The following CNTN4 variants were observed in gnomAD, a reference collection of about 807,000 sequenced individuals.
CNTN4 encodes contactin 4.
A neutral mutation model predicts 122.5 loss-of-function variants in CNTN4; 77 were observed. The observed-to-expected ratio is 0.63, with a 90% CI of 0.52 to 0.76. The LOEUF (loss-of-function observed/expected upper bound fraction) is 0.76. Ranked by LOEUF, CNTN4 falls within the 30% of genes least tolerant of loss-of-function variation. CNTN4 has a pLI of 0.00. For missense variants in CNTN4, 1,256 were observed against 1,259.1 expected (o/e 1.00, Z 0.04); for synonymous variants, 512 against 447.0 (o/e 1.15, Z -1.83).
chr3:2,526,224 A>G (rs762702980), intron 3 of CNTN4, among the ~76,000 whole-genome samples: 2 of 152,028 alleles, frequency 1.3e-5, no homozygotes, highest in Non-Finnish European at 2.9e-5. Context: ...TTCTCTGTCT[A>G]GATTTATTCT....
rs777349072 is a variant in CNTN4 at position 2,113,222 on chromosome 3, C to T, written c.-145+12583C>T. Among the ~76,000 whole-genome samples the T allele has an allele frequency of 8.1e-4, 124 of 152,228 alleles. 1 individual carries two copies. The highest frequency in any genetic ancestry group is 3.4e-3 in the Middle Eastern group (1 of 294). On this transcript the variant is annotated intron_variant, in intron 2 of 24. Coordinates refer to ENST00000418658, the MANE Select transcript of CNTN4 (RefSeq NM_175607.3). The stretch of plus-strand genomic sequence containing the variant: ...ATCTGAATATAACATAATAAATTGT[C>T]CATCAATAGGGACTATTTGAGTTTG...
At chr3:2,363,501 A>G (rs1407172828) in intron 3 of CNTN4, among the ~76,000 whole-genome samples, 1 of 152,212 alleles carries the variant, frequency 6.6e-6, no homozygotes, top group Non-Finnish European at 1.5e-5. Flanking sequence ...TAGGTCATTT[A>G]TATGTCTCAT....
intron 13 of CNTN4, chr3:2,927,291 C>G: frequency 2.2e-6 from 1 of 455,824 alleles, no homozygotes; most frequent in South Asian, 1.6e-5. Context: ...TTCTCTTTTG[C>G]ACCTAGTGTA....
chr3:2,753,975 A>G (rs1397890075), intron 6 of CNTN4, among the ~76,000 whole-genome samples: 1 of 152,222 alleles, frequency 6.6e-6, no homozygotes, highest in African/African-American at 2.4e-5. Flanking sequence ...GTTAAGATGC[A>G]GATTTCCAAT....
intron 3 of CNTN4, among the ~76,000 whole-genome samples, chr3:2,472,382 T>C (rs1219482209): frequency 1.3e-5 from 2 of 152,016 alleles, no homozygotes; most frequent in Admixed American, 6.6e-5. Context: ...CTGGATTACA[T>C]GCATGCATCA....
At chr3:2,404,465 C>G (rs2046962254) in intron 3 of CNTN4, among the ~76,000 whole-genome samples, 1 of 152,170 alleles carries the variant, frequency 6.6e-6, no homozygotes, top group African/African-American at 2.4e-5. Flanking sequence ...TGGCCCTCTT[C>G]AAAGCCAGAA....
intron 13 of CNTN4, among the ~76,000 whole-genome samples, chr3:2,948,772 C>T (rs575134093): frequency 1.3e-5 from 2 of 152,172 alleles, no homozygotes; most frequent in South Asian, 4.1e-4. Flanking sequence ...CCAGACTTTT[C>T]TTGGGATGTT....
chr3:2,694,522 G>C (rs2085915258), intron 4 of CNTN4, among the ~76,000 whole-genome samples: 2 of 152,140 alleles, frequency 1.3e-5, no homozygotes. Context: ...TTTAGGTCAG[G>C]AGTTCGAGAT....
chr3:3,057,566 C>T lies in CNTN4; in HGVS notation c.*1346C>T, dbSNP rs1701888543. ...TTCTATAAACATTTTCTCATGTAAA[C>T]ATGCTGCCACCTTTTCTTCTTTCTC... On this transcript the variant is annotated 3_prime_UTR_variant, in exon 25 of 25. Transcript: ENST00000418658. The T allele has an allele frequency of 6.6e-6, 1 of 152,586 alleles. No individual in the cohort carries two copies. Among genetic ancestry groups the T allele is most frequent in the East Asian group, 1.9e-4 (1 of 5,190 alleles). The allele number at this position is 152,586 out of a possible 1,614,324, so 9.5% of individuals were successfully genotyped here. A position where few individuals can be genotyped will look rare whatever the true frequency, so the allele number is the denominator to read the frequency against.
intron 14 of CNTN4, among the ~76,000 whole-genome samples, chr3:2,995,211 G>T (rs1695425324): frequency 6.6e-6 from 1 of 152,002 alleles, no homozygotes; most frequent in Admixed American, 6.6e-5. Context: ...TAAAAGAAGG[G>T]TAGGTAATTG....
At chr3:3,037,558 A>C (rs1699720911) in intron 18 of CNTN4, 2 of 564,490 alleles carry the variant, frequency 3.5e-6, no homozygotes, top group Non-Finnish European at 6.4e-6. Context: ...AGCAAGAGAC[A>C]CACGGTGCTT....
At chr3:2,147,848 C>T (rs2035316626) in intron 2 of CNTN4, among the ~76,000 whole-genome samples, 1 of 152,196 alleles carries the variant, frequency 6.6e-6, no homozygotes, top group South Asian at 2.1e-4. Context: ...AATTTCCAGG[C>T]TCTGTGTATT....
At chr3:2,854,977 T>C (rs1037737244) in intron 7 of CNTN4, among the ~76,000 whole-genome samples, 3 of 152,246 alleles carry the variant, frequency 2.0e-5, no homozygotes, top group African/African-American at 7.2e-5. Context: ...CTATTAATTA[T>C]GATTTGTCCA....
chr3:2,125,364 G>A (rs979261185), intron 2 of CNTN4, among the ~76,000 whole-genome samples: 4 of 142,264 alleles, frequency 2.8e-5, no homozygotes, highest in Non-Finnish European at 4.6e-5. Flanking sequence ...GTGTGTGTGT[G>A]TATAACATGC....
intron 2 of CNTN4, among the ~76,000 whole-genome samples, chr3:2,241,049 GC>G (rs2039915348): frequency 1.3e-5 from 2 of 151,992 alleles, no homozygotes; most frequent in Admixed American, 1.3e-4. Context: ...ATTGACAAAA[GC>G]AATATGTAAA....
intron 2 of CNTN4, among the ~76,000 whole-genome samples, chr3:2,256,998 A>G (rs2040620919): frequency 6.6e-6 from 1 of 152,230 alleles, no homozygotes; most frequent in African/African-American, 2.4e-5. Context: ...ATAAGCAAAA[A>G]GAACAAGGCT....
At chr3:2,748,568 C>A (rs896136783) in intron 6 of CNTN4, among the ~76,000 whole-genome samples, 8 of 152,118 alleles carry the variant, frequency 5.3e-5, no homozygotes, top group Non-Finnish European at 1.2e-4. Context: ...TGAAATTAAA[C>A]CTTTAATTTA....
chr3:2,779,107 C>T (rs2091463870), intron 6 of CNTN4, among the ~76,000 whole-genome samples: 3 of 152,166 alleles, frequency 2.0e-5, no homozygotes. Flanking sequence ...TTTCAGGAAG[C>T]AAGCCACGTT....
intron 2 of CNTN4, among the ~76,000 whole-genome samples, chr3:2,199,146 A>C (rs1050933780): frequency 2.0e-5 from 3 of 152,288 alleles, no homozygotes; most frequent in Non-Finnish European, 4.4e-5. Flanking sequence ...AGACCTCCTA[A>C]AGGCCAAAGT....
Sources: gnomAD v4.1 joint callset for allele counts (sites outside exome capture counted in the v4.1 genomes callset) on GRCh38, gnomAD v4.1.1 for gene constraint, MANE v1.5 for transcripts, NCBI Gene and HGNC (gene_info 2026-07-23, HGNC 2026-07-21) for gene names.